The following CFAP97 variants were observed in gnomAD, a reference collection of about 807,000 sequenced individuals.
CFAP97 encodes the protein cilia and flagella associated protein 97.
Under a neutral mutation model 43.1 loss-of-function variants are expected in CFAP97, and 36 were observed. The ratio of observed to expected loss-of-function variants is 0.84; its 90% CI spans 0.64 to 1.10. The LOEUF is 1.10. Ranked by LOEUF, CFAP97 falls within the 50% of genes least tolerant of loss-of-function variation. The pLI, the probability that CFAP97 is intolerant of heterozygous loss-of-function variation, is 0.00. For missense variants in CFAP97, 657 were observed against 620.3 expected (o/e 1.06, Z -0.63); for synonymous variants, 228 against 225.7 (o/e 1.01, Z -0.09).
At position 185,164,194 on chromosome 4, in the gene CFAP97, A is replaced by T; in HGVS notation, c.1321-15T>A. ...TTCAATAAAGCCTTCAATAAAGACAATTAATTTGAAAGGCAAGGTTAAACA... is the reference window on the plus strand; with the variant it reads ...TTCAATAAAGCCTTCAATAAAGACATTTAATTTGAAAGGCAAGGTTAAACA... On this transcript the variant is annotated splice_polypyrimidine_tract_variant and intron_variant, in intron 3 of 4. Transcript: ENST00000458385. 1.9e-6 allele frequency: 3 copies of T among 1,611,888 alleles called. No individual in the cohort carries two copies. Among genetic ancestry groups the T allele is most frequent in the Non-Finnish European group, 2.5e-6 (3 of 1,178,784 alleles).
chr4:185,193,071 A>G (rs1242519691), intron 1 of CFAP97, among the ~76,000 whole-genome samples: 1 of 151,974 alleles, frequency 6.6e-6, no homozygotes, highest in African/African-American at 2.4e-5. Flanking sequence ...ATTCTCCACT[A>G]AAAAACCCCA....
At chr4:185,204,819 G>A (rs748004493), upstream of CFAP97, among the ~76,000 whole-genome samples, 6 of 152,244 alleles carry the variant, frequency 3.9e-5, no homozygotes, top group Non-Finnish European at 7.3e-5. Flanking sequence ...GCAGGTAGAA[G>A]CTGCAAAAGG....
chr4:185,185,116 C>A (rs1002278535), intron 2 of CFAP97, among the ~76,000 whole-genome samples: 1 of 152,104 alleles, frequency 6.6e-6, no homozygotes, highest in Non-Finnish European at 1.5e-5. Context: ...TTTATAAGAA[C>A]AATACTTTTT....
chr4:185,208,939 G>T (rs538630236), upstream of CFAP97, among the ~76,000 whole-genome samples: 66 of 152,276 alleles, frequency 4.3e-4, no homozygotes, highest in South Asian at 1.5e-3. Flanking sequence ...AAAATTATTT[G>T]GACCACGTTC....
chr4:185,164,850 T>C (rs1342092970), intron 3 of CFAP97, among the ~76,000 whole-genome samples: 1 of 152,236 alleles, frequency 6.6e-6, no homozygotes, highest in South Asian at 2.1e-4. Context: ...AAGAACCTAG[T>C]GTTAGACCCT....
chr4:185,189,159 C>T (rs1736126654), intron 2 of CFAP97, among the ~76,000 whole-genome samples: 1 of 152,170 alleles, frequency 6.6e-6, no homozygotes, highest in South Asian at 2.1e-4. Flanking sequence ...ATTACTTAAG[C>T]CCAGGAGGTC....
chr4:185,164,400 G>A lies in CFAP97; in HGVS notation c.1321-221C>T, dbSNP rs111863581. Among the ~76,000 whole-genome samples, 11 of 151,918 alleles carry A rather than the reference G, an allele frequency of 7.2e-5. 2 individuals are homozygous for A. The highest frequency in any genetic ancestry group is 2.4e-4 in the African/African-American group (10 of 41,394). On this transcript the variant is annotated intron_variant, in intron 3 of 4. Coordinates refer to ENST00000458385, the MANE Select transcript of CFAP97 (RefSeq NM_020827.3). The stretch of plus-strand genomic sequence containing the variant: ...TTACAGGTGCCACCCACCACATCCC[G>A]CCAAAAGATCTTAAATCATTCTCGA...
rs115064772 is a variant in CFAP97 at position 185,173,599 on chromosome 4, G to T, written c.1320+2187C>A. ...TTCTGATACATGCTACAACATAGAT[G>T]AAACATGAAAACATTTTAAGTGAAA... On this transcript the variant is annotated intron_variant, in intron 3 of 4. Coordinates refer to ENST00000458385, the MANE Select transcript of CFAP97 (RefSeq NM_020827.3). Among the ~76,000 whole-genome samples the T allele has an allele frequency of 9.7e-3, 1,475 of 152,170 alleles. 15 individuals carry two copies. Among genetic ancestry groups the T allele is most frequent in the Non-Finnish European group, 0.017 (1,125 of 67,996 alleles).
At chr4:185,171,138 G>A (rs1003924298) in intron 3 of CFAP97, among the ~76,000 whole-genome samples, 9 of 151,466 alleles carry the variant, frequency 5.9e-5, no homozygotes, top group African/African-American at 1.9e-4. Context: ...TTATTTATTT[G>A]TTTGTTTCAA....
chr4:185,192,026 G>A (rs553321261), intron 1 of CFAP97, among the ~76,000 whole-genome samples: 1 of 152,300 alleles, frequency 6.6e-6, no homozygotes, highest in South Asian at 2.1e-4. Flanking sequence ...CACAATTCTA[G>A]TGGAAGTCAT....
At chr4:185,192,798 T>C (rs539088401) in intron 1 of CFAP97, among the ~76,000 whole-genome samples, 1 of 136,966 alleles carries the variant, frequency 7.3e-6, no homozygotes, top group African/African-American at 2.8e-5. Flanking sequence ...TGGAGTGCAG[T>C]GGTGCAATCT....
chr4:185,186,132 T>C (rs1387831268), intron 2 of CFAP97, among the ~76,000 whole-genome samples: 1 of 152,128 alleles, frequency 6.6e-6, no homozygotes, highest in Non-Finnish European at 1.5e-5. Context: ...AACTAACATC[T>C]AAGAAACTAT....
In CFAP97 at chr4:185,178,739, T is replaced by C. The variant is rs951455395; in HGVS notation, c.1055-2688A>G. Among the ~76,000 whole-genome samples the C allele has an allele frequency of 2.6e-5, 4 of 152,158 alleles. No individual in the cohort carries two copies. In the East Asian group the frequency reaches 7.7e-4, roughly 29 times the overall value. On this transcript the variant is annotated intron_variant, in intron 2 of 4. Coordinates refer to ENST00000458385, the MANE Select transcript of CFAP97 (RefSeq NM_020827.3). ...CATGGCACAGGAAATGAGGTGCTCC[T>C]GGAACAGACTTAGCACAGGTGGACC...
At chr4:185,167,934 G>A (rs1192463947) in intron 3 of CFAP97, among the ~76,000 whole-genome samples, 2 of 150,310 alleles carry the variant, frequency 1.3e-5, no homozygotes, top group East Asian at 1.9e-4. Flanking sequence ...GGAAGGCGGA[G>A]GTTGCAGTGA....
chr4:185,173,969 T>G (rs1229358117), intron 3 of CFAP97, among the ~76,000 whole-genome samples: 1 of 152,122 alleles, frequency 6.6e-6, no homozygotes, highest in Non-Finnish European at 1.5e-5. Flanking sequence ...GGTATGTGAA[T>G]TATATCTCAA....
intron 3 of CFAP97, among the ~76,000 whole-genome samples, chr4:185,165,680 C>G (rs1403294130): frequency 6.6e-6 from 1 of 152,206 alleles, no homozygotes; most frequent in African/African-American, 2.4e-5. Flanking sequence ...TCTGTACAAT[C>G]TTTTCTTCTT....
upstream of CFAP97, chr4:185,210,217 C>A: frequency 1.0e-6 from 1 of 984,818 alleles, no homozygotes; most frequent in Non-Finnish European, 1.2e-6. This position sits in a 1 kb window ranked among gnomAD's most constrained non-coding sequence, Gnocchi z 4.4. Flanking sequence ...CGCCTGGAGC[C>A]GGCTGGCCGC....
chr4:185,200,296 G>C (rs776308124), intron 1 of CFAP97, among the ~76,000 whole-genome samples: 1 of 152,178 alleles, frequency 6.6e-6, no homozygotes, highest in Non-Finnish European at 1.5e-5. Flanking sequence ...AGAAGTTTTA[G>C]ACCAGCCTGG....
rs1188361640 is a variant in CFAP97, at chr4:185,175,996, T to C, written c.1110A>G (p.Ser370=). 6.2e-7 allele frequency: 1 copy of C among 1,613,416 alleles called. No homozygotes were observed. The highest frequency in any genetic ancestry group is 1.7e-5 in the Admixed American group (1 of 59,938). ...AAGAGTAGTTTTTCCCGGGTGCTAC[T>C]GAAGGCTGATCAAAGTGATGTTTTT... The part of the protein sequence containing the change: ...GPQKHHFDQP[S]VAPGKNYSFT... Residue 370 remains serine, a synonymous_variant, in exon 3 of 5, where the codon TCA becomes TCG. Transcript: ENST00000458385.
Sources: gnomAD v4.1 joint callset for allele counts (sites outside exome capture counted in the v4.1 genomes callset) on GRCh38, gnomAD v4.1.1 for gene constraint, Gnocchi (gnomAD v3.1) non-coding constraint, MANE v1.5 for transcripts, NCBI Gene and HGNC (gene_info 2026-07-23, HGNC 2026-07-21) for gene names.